The following NXPE4 variants were observed in gnomAD, a reference collection of about 807,000 sequenced individuals.
NXPE4 encodes the protein neurexophilin and PC-esterase domain family member 4.
NXPE4 carries 42 observed loss-of-function variants against 33.3 expected under a neutral mutation model. The ratio of observed to expected loss-of-function variants is 1.26; its 90% CI spans 0.98 to 1.63. The LOEUF is 1.63. NXPE4 is among the 40% of genes most tolerant of loss of function. The pLI is 0.00. For missense variants in NXPE4, 709 were observed against 647.6 expected, an observed-to-expected ratio of 1.09 and a Z score of -1.03; for synonymous variants, 253 against 234.9, an observed-to-expected ratio of 1.08 and a Z score of -0.71.
the NXPE4 span, among the ~76,000 whole-genome samples, chr11:114,660,893 A>G: frequency 6.6e-6 from 1 of 152,170 alleles, no homozygotes; most frequent in African/African-American, 2.4e-5. Context: ...TGTCAGCAAG[A>G]TTATAAGGTT....
In NXPE4 at chr11:114,584,102, T is replaced by C. The variant is rs1949225031; in HGVS notation, c.97-1081A>G. 3 of 291,422 alleles carry C rather than the reference T, an allele frequency of 1.0e-5. 1 individual carries two copies. The highest frequency in any genetic ancestry group is 9.9e-5 in the South Asian group (3 of 30,226). 18.1% of individuals were successfully genotyped at this position (291,422 alleles called of 1,614,324 possible). On this transcript the variant is annotated intron_variant, in intron 2 of 5. Transcript: ENST00000375478. ...TCTGATCATCAAAGGGCATGCCAAGTGTGTGGAATCTGTCAAGAGTGTCAA... is the reference window on the plus strand; with the variant it reads ...TCTGATCATCAAAGGGCATGCCAAGCGTGTGGAATCTGTCAAGAGTGTCAA...
At chr11:114,632,955 T>C in the NXPE4 span, among the ~76,000 whole-genome samples, 2 of 102,418 alleles carry the variant, frequency 2.0e-5, no homozygotes, top group African/African-American at 4.1e-5. Flanking sequence ...TATGATATTT[T>C]ATATAATTAT....
the NXPE4 span, among the ~76,000 whole-genome samples, chr11:114,628,958 C>T: frequency 9.9e-5 from 15 of 151,498 alleles, no homozygotes; most frequent in East Asian, 9.8e-4. Context: ...TACACCCTCC[C>T]AAGACTAAAC....
chr11:114,596,873 A>G (rs563902703), upstream of NXPE4, among the ~76,000 whole-genome samples: 1 of 152,338 alleles, frequency 6.6e-6, no homozygotes, highest in African/African-American at 2.4e-5. Context: ...AGGTAGGCAC[A>G]ATAGATATGC....
the NXPE4 span, among the ~76,000 whole-genome samples, chr11:114,656,515 GT>G: frequency 1.3e-5 from 2 of 152,028 alleles, no homozygotes; most frequent in Non-Finnish European, 1.5e-5. Flanking sequence ...TAGATCCCAA[GT>G]TTTTCATCTC....
At chr11:114,630,986 A>G in the NXPE4 span, among the ~76,000 whole-genome samples, 1 of 150,922 alleles carries the variant, frequency 6.6e-6, no homozygotes, top group Non-Finnish European at 1.5e-5. Context: ...ACCATCTCAC[A>G]CCAGTTAGAA....
chr11:114,638,978 A>G, the NXPE4 span, among the ~76,000 whole-genome samples: 1 of 152,034 alleles, frequency 6.6e-6, no homozygotes, highest in South Asian at 2.1e-4. Context: ...AGCTGGGAGA[A>G]CCACTGCTCT....
chr11:114,599,824 G>A (rs775643292), upstream of NXPE4, among the ~76,000 whole-genome samples: 4 of 151,976 alleles, frequency 2.6e-5, no homozygotes, highest in Non-Finnish European at 5.9e-5. Context: ...ATCCAATTAC[G>A]TCCTACCAGG....
At chr11:114,618,551 G>A in the NXPE4 span, among the ~76,000 whole-genome samples, 1 of 151,950 alleles carries the variant, frequency 6.6e-6, no homozygotes, top group African/African-American at 2.4e-5. Flanking sequence ...GGTGATCACT[G>A]TTACCCAGTG....
At chr11:114,604,298 G>A in the NXPE4 span, among the ~76,000 whole-genome samples, 1 of 152,002 alleles carries the variant, frequency 6.6e-6, no homozygotes, top group African/African-American at 2.4e-5. Flanking sequence ...TGCCTCGTGG[G>A]TAACAATTCT....
the NXPE4 span, among the ~76,000 whole-genome samples, chr11:114,605,081 A>C: frequency 6.6e-6 from 1 of 151,142 alleles, no homozygotes; most frequent in South Asian, 2.1e-4. Context: ...GTGGATAATA[A>C]ATATTGCCTC....
the NXPE4 span, among the ~76,000 whole-genome samples, chr11:114,653,478 T>G: frequency 6.6e-6 from 1 of 152,088 alleles, no homozygotes; most frequent in African/African-American, 2.4e-5. Flanking sequence ...CTTGGGTGCT[T>G]GTACTCCGTA....
chr11:114,576,073 C>T (rs1478375860), intron 5 of NXPE4, among the ~76,000 whole-genome samples: 1 of 152,068 alleles, frequency 6.6e-6, no homozygotes, highest in Non-Finnish European at 1.5e-5. Context: ...TGATCTTTGA[C>T]AAAGCAAACA....
the NXPE4 span, among the ~76,000 whole-genome samples, chr11:114,674,092 A>G: frequency 5.4e-5 from 1 of 18,640 alleles, no homozygotes; most frequent in Non-Finnish European, 1.6e-4. Context: ...ATTGTTTAAA[A>G]ACAAACAAAC....
chr11:114,628,110 A>G, the NXPE4 span, among the ~76,000 whole-genome samples: 3 of 147,644 alleles, frequency 2.0e-5, no homozygotes, highest in South Asian at 6.7e-4. Context: ...AGACAGATCA[A>G]TGAGACAGAA....
At chr11:114,621,508 T>C in the NXPE4 span, among the ~76,000 whole-genome samples, 1 of 152,240 alleles carries the variant, frequency 6.6e-6, no homozygotes, top group East Asian at 1.9e-4. Flanking sequence ...GGAAAATAAG[T>C]ATTGCCTCGT....
chr11:114,628,330 A>C, the NXPE4 span, among the ~76,000 whole-genome samples: 1 of 152,132 alleles, frequency 6.6e-6, no homozygotes, highest in African/African-American at 2.4e-5. Flanking sequence ...CTCTCAGACC[A>C]CAGTGCAATC....
At chr11:114,640,491 G>T in the NXPE4 span, among the ~76,000 whole-genome samples, 4 of 151,720 alleles carry the variant, frequency 2.6e-5, no homozygotes, top group African/African-American at 9.7e-5. Flanking sequence ...GATTGCTGCA[G>T]TCAATGGTAG....
chr11:114,622,528 C>T, the NXPE4 span, among the ~76,000 whole-genome samples: 3 of 152,106 alleles, frequency 2.0e-5, no homozygotes, highest in African/African-American at 7.2e-5. Context: ...CATGGGTAAC[C>T]ACTGTTACCC....
Sources: allele counts gnomAD v4.1 joint callset (sites outside exome capture counted in the v4.1 genomes callset), GRCh38; gene constraint gnomAD v4.1.1; transcripts MANE v1.5; gene names NCBI Gene and HGNC (gene_info 2026-07-23, HGNC 2026-07-21).